Variants in ANK3 observed in about 807,000 individuals in gnomAD.
ANK3 encodes ankyrin-3.
Under a neutral mutation model 370.9 loss-of-function variants are expected in ANK3, and 57 were observed. That is an observed-to-expected ratio of 0.15 (90% CI 0.12 to 0.19). The LOEUF (loss-of-function observed/expected upper bound fraction) is 0.19, where lower values mean the gene tolerates loss of function less well. Among genes scored for constraint, ANK3 ranks in the 10% least tolerant of loss-of-function variants. The probability of loss-of-function intolerance (pLI) is 1.00; values close to 1 mark genes in which losing one functional copy is unlikely to be tolerated. For missense variants in ANK3, 4,439 were observed against 5,302.1 expected, an observed-to-expected ratio of 0.84 and a Z score of 5.06; for synonymous variants, 1,929 against 1,946.3, an observed-to-expected ratio of 0.99 and a Z score of 0.23.
At chr10:60,598,457 T>C (rs2078017685) in intron 2 of ANK3, among the ~76,000 whole-genome samples, 1 of 152,222 alleles carries the variant, frequency 6.6e-6, no homozygotes, top group Admixed American at 6.5e-5. Context: ...ATGAAGTTTT[T>C]GTTATATTAA....
intron 1 of ANK3, among the ~76,000 whole-genome samples, chr10:60,705,648 A>G (rs1205874565): frequency 1.3e-5 from 2 of 152,028 alleles, no homozygotes; most frequent in African/African-American, 2.4e-5. Context: ...CCCACAAAAT[A>G]TGAATGTACA....
intron 7 of ANK3, among the ~76,000 whole-genome samples, chr10:60,249,192 T>G (rs1170588919): frequency 6.6e-6 from 1 of 152,214 alleles, no homozygotes; most frequent in East Asian, 1.9e-4. Context: ...AAGGGGCATT[T>G]AAAACTCAAT....
intron 2 of ANK3, among the ~76,000 whole-genome samples, chr10:60,477,451 T>C (rs1349390684): frequency 6.7e-6 from 1 of 150,162 alleles, no homozygotes; most frequent in Non-Finnish European, 1.5e-5. Flanking sequence ...TAAAGCAAAA[T>C]GAGTTGGGGC....
At chr10:60,112,349 G>A (rs915671686) in intron 26 of ANK3, among the ~76,000 whole-genome samples, 1 of 151,244 alleles carries the variant, frequency 6.6e-6, no homozygotes, top group African/African-American at 2.4e-5. Context: ...TTTCCTTCTT[G>A]AATCTGATTT....
At chr10:60,547,719 C>A (rs762551794) in intron 2 of ANK3, among the ~76,000 whole-genome samples, 1 of 147,980 alleles carries the variant, frequency 6.8e-6, no homozygotes, top group African/African-American at 2.5e-5. Context: ...AGAGAAGGGG[C>A]GGGAGGTGGG....
At chr10:60,131,293 A>T (rs1164272546) in intron 25 of ANK3, among the ~76,000 whole-genome samples, 1 of 152,138 alleles carries the variant, frequency 6.6e-6, no homozygotes, top group African/African-American at 2.4e-5. Flanking sequence ...CTGCCAATTT[A>T]TTCTGGATTT....
In ANK3 at chr10:60,214,678, G is replaced by A. The variant is rs150433336; in HGVS notation, c.898-1168C>T. 1.1e-3 allele frequency among the ~76,000 whole-genome samples: 172 copies of A among 152,134 alleles called. 2 individuals carry two copies. The highest frequency in any genetic ancestry group is 3.7e-3 in the African/African-American group (155 of 41,502). On this transcript the variant is annotated intron_variant, in intron 8 of 43. Transcript: ENST00000280772. ...CTTCCGGCTTCATCCATGTCCCGGC[G>A]AAGGACATGATCTCATTCTCTTTTA...
In ANK3 at chr10:60,270,241, GAA is replaced by G; in HGVS notation, c.415-14_415-13del. Reference sequence around the variant, plus strand: ...GGCGTGAAACCATTCTGCAAAATAAGAAAAAAAATGTTTGTCTGCAGCTTTCC... The same window carrying G: ...GGCGTGAAACCATTCTGCAAAATAAGAAAAAATGTTTGTCTGCAGCTTTCC... On this transcript the variant is annotated splice_polypyrimidine_tract_variant and intron_variant, in intron 4 of 43. Transcript: ENST00000280772. 6.5e-7 allele frequency: 1 copy of G among 1,549,664 alleles called. No individual in the cohort carries two copies. The highest frequency in any genetic ancestry group is 2.3e-5 in the East Asian group (1 of 43,046).
chr10:60,414,925 G>A (rs2063630269), intron 2 of ANK3, among the ~76,000 whole-genome samples: 1 of 152,202 alleles, frequency 6.6e-6, no homozygotes. Context: ...TTATCAGTAT[G>A]CTGTGACTAA....
intron 1 of ANK3, among the ~76,000 whole-genome samples, chr10:60,280,934 G>T (rs576080643): frequency 1.3e-5 from 2 of 152,248 alleles, no homozygotes; most frequent in Admixed American, 6.5e-5. Context: ...TGGTATACCT[G>T]TCCTTCTTCC....
intron 1 of ANK3, among the ~76,000 whole-genome samples, chr10:60,379,589 T>C (rs1119386): frequency 0.99 from 150,030 of 152,196 alleles, 73,978 homozygotes; most frequent in Middle Eastern, 1. Flanking sequence ...AATGGGGGAC[T>C]TCATGTTAAG....
rs746277494 is a variant in ANK3 at position 60,071,713 on chromosome 10, T to C, written c.9168A>G (p.Pro3056=). The change falls in exon 37 of 44, where the codon CCA becomes CCG. Residue 3056 remains proline (P), a synonymous_variant. Coordinates refer to ENST00000280772, the MANE Select transcript of ANK3 (RefSeq NM_020987.5). ...CATCACTAGAGGGAGATTCCTTTCC[T>C]GGGCTAAACTCTAAAGAATCAGGAG... ...TKSPDSLEFS[P]GKESPSSDVF... 3 of 1,596,588 alleles carry C rather than the reference T, an allele frequency of 1.9e-6. No homozygotes were observed. Among genetic ancestry groups the C allele is most frequent in the Admixed American group, 1.8e-5 (1 of 56,896 alleles).
intron 2 of ANK3, among the ~76,000 whole-genome samples, chr10:60,588,081 C>T (rs7911164): frequency 0.68 from 102,269 of 151,346 alleles, 35,290 homozygotes; most frequent in South Asian, 0.88. Flanking sequence ...TGTGTTTCTA[C>T]AGGAAAGCAC....
intron 1 of ANK3, among the ~76,000 whole-genome samples, chr10:60,285,810 A>G (rs1257272158): frequency 6.6e-6 from 1 of 152,134 alleles, no homozygotes; most frequent in Non-Finnish European, 1.5e-5. Context: ...GCCTGCAACC[A>G]GACGCTAACA....
intron 2 of ANK3, among the ~76,000 whole-genome samples, chr10:60,455,230 A>G (rs2064716473): frequency 1.3e-5 from 2 of 152,170 alleles, no homozygotes; most frequent in African/African-American, 4.8e-5. Context: ...TTACTCCCAA[A>G]TTTCAAACTA....
chr10:60,573,332 A>G (rs1287479991), intron 2 of ANK3, among the ~76,000 whole-genome samples: 1 of 152,094 alleles, frequency 6.6e-6, no homozygotes, highest in Non-Finnish European at 1.5e-5. Flanking sequence ...CATGATTCAT[A>G]TTTAATCATT....
chr10:60,392,708 C>A (rs1015370599), upstream of ANK3, among the ~76,000 whole-genome samples: 1 of 152,142 alleles, frequency 6.6e-6, no homozygotes, highest in Admixed American at 6.5e-5. Context: ...GTGGGCAGAT[C>A]ACTTGAGGTC....
intron 8 of ANK3, among the ~76,000 whole-genome samples, chr10:60,220,950 T>C (rs1401215021): frequency 1.3e-5 from 2 of 152,216 alleles, no homozygotes; most frequent in Non-Finnish European, 2.9e-5. Flanking sequence ...GAAAATTATC[T>C]TCCACAAAGC....
At chr10:60,421,360 G>A (rs1223483312) in intron 2 of ANK3, among the ~76,000 whole-genome samples, 2 of 151,788 alleles carry the variant, frequency 1.3e-5, no homozygotes, top group East Asian at 1.9e-4. Flanking sequence ...ATAAAAAAGT[G>A]GAGAAAAAAG....
Sources: gnomAD v4.1 joint callset for allele counts (sites outside exome capture counted in the v4.1 genomes callset) on GRCh38, gnomAD v4.1.1 for gene constraint, MANE v1.5 for transcripts, NCBI Gene and HGNC (gene_info 2026-07-23, HGNC 2026-07-21) for gene names.